Variants in CENPP observed in about 807,000 individuals in gnomAD.
The protein encoded by CENPP is centromere protein P.
CENPP carries 24 observed loss-of-function variants against 35.6 expected under a neutral mutation model. That is an observed-to-expected ratio of 0.67 (90% CI 0.49 to 0.95). The LOEUF is 0.95. Ranked by LOEUF, CENPP falls within the 40% of genes least tolerant of loss-of-function variation. CENPP has a pLI of 0.00. For missense variants in CENPP, 332 were observed against 345.3 expected (o/e 0.96, Z 0.31); for synonymous variants, 120 against 125.5 (o/e 0.96, Z 0.29).
intron 5 of CENPP, chr9:92,514,970 G>A (rs367636482): frequency 1.9e-6 from 3 of 1,613,868 alleles, no homozygotes; most frequent in Non-Finnish European, 1.7e-6. Context: ...TCACTGTAAA[G>A]TTGCCCCTGA....
chr9:92,545,419 G>A (rs1849412928), intron 5 of CENPP, among the ~76,000 whole-genome samples: 1 of 152,164 alleles, frequency 6.6e-6, no homozygotes, highest in Non-Finnish European at 1.5e-5. Context: ...GGTGCGTCGG[G>A]TACCCCAGCA....
intron 4 of CENPP, among the ~76,000 whole-genome samples, chr9:92,359,516 C>A (rs893998895): frequency 6.6e-6 from 1 of 152,094 alleles, no homozygotes; most frequent in Non-Finnish European, 1.5e-5. Flanking sequence ...TATGTGCAAT[C>A]TCTTACAGAA....
At chr9:92,451,259 GAATTA>G (rs1844701093) in intron 5 of CENPP, among the ~76,000 whole-genome samples, 1 of 150,044 alleles carries the variant, frequency 6.7e-6, no homozygotes, top group Non-Finnish European at 1.5e-5. Context: ...AATCCATCTT[GAATTA>G]ATTTTGGTAT....
rs145744889 is a variant in CENPP at position 92,330,551 on chromosome 9, C to T, written c.108-1619C>T. Among the ~76,000 whole-genome samples, 351 of 150,848 alleles carry T rather than the reference C, an allele frequency of 2.3e-3. 5 individuals carry two copies. Among genetic ancestry groups the T allele is most frequent in the African/African-American group, 7.8e-3 (320 of 41,018 alleles). On this transcript the variant is annotated intron_variant, in intron 1 of 7. Coordinates refer to ENST00000375587, the MANE Select transcript of CENPP (RefSeq NM_001012267.3). ...CAAGGAAGAGATGTTTTAAGCTGGC[C>T]GGAAAAGTCAACAGTATAGAATGTA...
At chr9:92,475,952 T>C (rs1845700504) in intron 5 of CENPP, among the ~76,000 whole-genome samples, 2 of 152,216 alleles carry the variant, frequency 1.3e-5, no homozygotes, top group African/African-American at 4.8e-5. Context: ...CATATTTACA[T>C]ATCCTAATTT....
In CENPP at chr9:92,437,043, T is replaced by C. The variant is rs1844262236; in HGVS notation, c.564+57184T>C. 4.6e-5 allele frequency among the ~76,000 whole-genome samples: 7 copies of C among 152,072 alleles called. No individual in the cohort carries two copies. In the South Asian group the frequency reaches 1.5e-3, roughly 32 times the overall value. ...GATGAAACCCCATCTCTGCTAAAAA[T>C]ACAAAAAAATTAGCCGGGCATGGTG... On this transcript the variant is annotated intron_variant, in intron 5 of 7. Transcript: ENST00000375587.
At chr9:92,395,720 T>C (rs1227473850) in intron 5 of CENPP, among the ~76,000 whole-genome samples, 3 of 152,192 alleles carry the variant, frequency 2.0e-5, no homozygotes, top group Admixed American at 2.0e-4. Context: ...GTAGGGCATG[T>C]TATAGTATCT....
At chr9:92,545,405 G>A (rs1005969597) in intron 5 of CENPP, among the ~76,000 whole-genome samples, 3 of 152,212 alleles carry the variant, frequency 2.0e-5, no homozygotes, top group African/African-American at 7.2e-5. Context: ...CAGCAGCTGC[G>A]GAGGGTGCGT....
intron 5 of CENPP, among the ~76,000 whole-genome samples, chr9:92,397,492 A>G (rs1402180731): frequency 6.6e-6 from 1 of 151,972 alleles, no homozygotes; most frequent in Non-Finnish European, 1.5e-5. Flanking sequence ...ATGCCCAGCT[A>G]ATTTTTTTTG....
intron 5 of CENPP, among the ~76,000 whole-genome samples, chr9:92,565,747 T>C (rs567716101): frequency 4.6e-5 from 7 of 152,160 alleles, no homozygotes; most frequent in Admixed American, 2.0e-4. Flanking sequence ...ACTAGGAGGA[T>C]TCAAAAGCAA....
At chr9:92,500,526 T>C (rs983358777) in intron 5 of CENPP, among the ~76,000 whole-genome samples, 10 of 152,172 alleles carry the variant, frequency 6.6e-5, no homozygotes, top group African/African-American at 1.9e-4. Flanking sequence ...TGTGCAAAAG[T>C]AGGAAAAGCT....
chr9:92,596,060 G>T (rs1850772567), intron 5 of CENPP, among the ~76,000 whole-genome samples: 1 of 152,132 alleles, frequency 6.6e-6, no homozygotes, highest in Admixed American at 6.5e-5. Flanking sequence ...AAAAATGGCA[G>T]ATTGAAACAT....
chr9:92,605,091 G>A (rs571442716), intron 5 of CENPP, among the ~76,000 whole-genome samples: 2 of 151,966 alleles, frequency 1.3e-5, no homozygotes, highest in African/African-American at 4.8e-5. Flanking sequence ...AGCAATTCTC[G>A]TGCCTCAGCC....
At chr9:92,372,213 C>T (rs1842028006) in intron 4 of CENPP, among the ~76,000 whole-genome samples, 1 of 126,412 alleles carries the variant, frequency 7.9e-6, no homozygotes, top group South Asian at 2.7e-4. Flanking sequence ...CATGGGATAT[C>T]TTTTTCCATC....
intron 5 of CENPP, among the ~76,000 whole-genome samples, chr9:92,549,273 A>G (rs891109654): frequency 1.3e-5 from 2 of 152,180 alleles, no homozygotes; most frequent in African/African-American, 2.4e-5. Context: ...TAGAAAAAGA[A>G]CACACTTTCT....
At chr9:92,332,377 A>G (rs888705439) in intron 2 of CENPP, 26 bp downstream of exon 2, 4 of 1,483,632 alleles carry the variant, frequency 2.7e-6, no homozygotes, top group Admixed American at 2.2e-5. Flanking sequence ...AAATCTAGAC[A>G]TAGTATGGAA....
chr9:92,549,641 C>T (rs1250257562), intron 5 of CENPP, among the ~76,000 whole-genome samples: 2 of 129,714 alleles, frequency 1.5e-5, no homozygotes, highest in Non-Finnish European at 3.2e-5. Flanking sequence ...AGCATGACTC[C>T]GTCTCAAAAA....
At chr9:92,581,198 T>C (rs1368338953) in intron 5 of CENPP, among the ~76,000 whole-genome samples, 1 of 152,086 alleles carries the variant, frequency 6.6e-6, no homozygotes, top group Non-Finnish European at 1.5e-5. Flanking sequence ...AATATCAAGA[T>C]ACTTACTACT....
chr9:92,596,445 C>CAAAAAAAAAAAAAAAAAAAAA (rs60383394), intron 5 of CENPP, among the ~76,000 whole-genome samples: 1 of 72,002 alleles, frequency 1.4e-5, no homozygotes, highest in Non-Finnish European at 2.5e-5. Context: ...GACCCTGTGT[C>CAAAAAAAAAAAAAAAAAAAAA]AAAAAAAAAA....
Sources: gnomAD v4.1 joint callset for allele counts (sites outside exome capture counted in the v4.1 genomes callset) on GRCh38, gnomAD v4.1.1 for gene constraint, MANE v1.5 for transcripts, NCBI Gene and HGNC (gene_info 2026-07-23, HGNC 2026-07-21) for gene names.